Variants in ATP6V1H observed in about 807,000 individuals in gnomAD.
ATP6V1H encodes ATPase H+ transporting V1 subunit H, also known as V-type proton ATPase subunit H.
ATP6V1H carries 39 observed loss-of-function variants against 71.7 expected under a neutral mutation model. The observed-to-expected ratio is 0.54, with a 90% CI of 0.42 to 0.71. The LOEUF (loss-of-function observed/expected upper bound fraction) is 0.71. Among genes scored for constraint, ATP6V1H ranks in the 30% least tolerant of loss-of-function variants. The pLI is 0.00. For missense variants in ATP6V1H, 509 were observed against 594.9 expected, an observed-to-expected ratio of 0.86 and a Z score of 1.50; for synonymous variants, 192 against 199.3, an observed-to-expected ratio of 0.96 and a Z score of 0.31.
chr8:53,833,120 A>G (rs773864543), intron 2 of ATP6V1H, 34 bp from the exon 3 acceptor site: 7 of 1,540,378 alleles, frequency 4.5e-6, no homozygotes, highest in Non-Finnish European at 5.4e-6. Flanking sequence ...TTGTTCAGTA[A>G]GAGTTGAATA....
Position 53,795,788 on chromosome 8 carries a change from C to A in ATP6V1H, c.729G>T (p.Met243Ile), listed in dbSNP as rs2130415586. 2 of 1,613,908 alleles carry A rather than the reference C, an allele frequency of 1.2e-6. No homozygotes were observed. The highest frequency in any genetic ancestry group is 1.7e-6 in the Non-Finnish European group (2 of 1,179,954). The change falls in exon 9 of 14, where the codon ATG becomes ATT. Residue 243 changes from methionine (M) to isoleucine (I), a missense_variant. By Grantham distance (10) the Met-to-Ile change is conservative (BLOSUM62 1). Transcript: ENST00000359530. The stretch of plus-strand genomic sequence containing the variant: ...ATGCCAGGAGCCATATTGAAAAAAT[C>A]ATTTGATACTGGAGCTGAAAGCCAC... Reference protein sequence around the residue: ...NKCGFQLQYQMIFSIWLLAFS... With the variant: ...NKCGFQLQYQIIFSIWLLAFS...
intron 8 of ATP6V1H, among the ~76,000 whole-genome samples, chr8:53,799,740 A>T (rs1809850356): frequency 1.3e-5 from 2 of 152,180 alleles, no homozygotes; most frequent in African/African-American, 2.4e-5. Flanking sequence ...TGATTAGGTC[A>T]TGAGGGCAGA....
intron 9 of ATP6V1H, among the ~76,000 whole-genome samples, chr8:53,772,903 C>CAAAAAAAAA (rs201949406): frequency 3.2e-4 from 19 of 59,324 alleles, no homozygotes; most frequent in African/African-American, 6.3e-4. Flanking sequence ...CTATCAAATG[C>CAAAAAAAAA]AAAAAAAAAA....
chr8:53,762,641 T>C (rs113414008), intron 11 of ATP6V1H, among the ~76,000 whole-genome samples: 2 of 152,084 alleles, frequency 1.3e-5, no homozygotes, highest in East Asian at 1.9e-4. Context: ...GATGATGGAA[T>C]AGAACAAAGA....
intron 13 of ATP6V1H, 70 bp downstream of exon 13, chr8:53,743,496 GCATTTGCATAA>G: frequency 1.1e-6 from 1 of 947,422 alleles, no homozygotes; most frequent in Non-Finnish European, 1.7e-6. Context: ...ATCATTCAAA[GCATTTGCATAA>G]GAACTTTTAG....
rs551907102 is a variant in ATP6V1H at position 53,720,678 on chromosome 8, A to G, written c.1392-4654T>C. Reference sequence around the variant, plus strand: ...GTGTTTCAACATGCTAACTTTACCTATATAACTTGACACATGGTAACTTCA... The same window carrying G: ...GTGTTTCAACATGCTAACTTTACCTGTATAACTTGACACATGGTAACTTCA... On this transcript the variant is annotated intron_variant, in intron 13 of 13. Coordinates refer to ENST00000359530, the MANE Select transcript of ATP6V1H (RefSeq NM_015941.4). Among the ~76,000 whole-genome samples, 5 of 152,368 alleles carry G rather than the reference A, an allele frequency of 3.3e-5. No individual in the cohort carries two copies. In the South Asian group the frequency reaches 8.3e-4, roughly 25 times the overall value.
At position 53,759,787 on chromosome 8, in the gene ATP6V1H, T is replaced by C. The variant is rs146775248; in HGVS notation, c.1176-3131A>G. Among the ~76,000 whole-genome samples, 609 of 152,340 alleles carry C rather than the reference T, an allele frequency of 4.0e-3. 4 individuals are homozygous for C. The highest frequency in any genetic ancestry group is 0.017 in the Middle Eastern group (5 of 294). ...TTTTCTTACTCAAAATATATATTTATTTCAAAACTACTAACATACAAGCTA... is the reference window on the plus strand; with the variant it reads ...TTTTCTTACTCAAAATATATATTTACTTCAAAACTACTAACATACAAGCTA... On this transcript the variant is annotated intron_variant, in intron 11 of 13. Coordinates refer to ENST00000359530, the MANE Select transcript of ATP6V1H (RefSeq NM_015941.4).
chr8:53,716,191 G>A (rs1806418762), intron 13 of ATP6V1H, among the ~76,000 whole-genome samples, 167 bp from the exon 14 acceptor site: 1 of 152,202 alleles, frequency 6.6e-6, no homozygotes, highest in Non-Finnish European at 1.5e-5. Flanking sequence ...TACTTGTGCT[G>A]TATGAATTCT....
At chr8:53,764,625 G>T (rs566116723) in intron 11 of ATP6V1H, among the ~76,000 whole-genome samples, 2 of 151,960 alleles carry the variant, frequency 1.3e-5, no homozygotes, top group Non-Finnish European at 2.9e-5. Flanking sequence ...CAGAAGCAAC[G>T]CAAGGATGTA....
At chr8:53,816,733 T>C (rs1585819894) in intron 5 of ATP6V1H, among the ~76,000 whole-genome samples, 2 of 151,524 alleles carry the variant, frequency 1.3e-5, no homozygotes, top group African/African-American at 4.9e-5. Flanking sequence ...GAGGCGGAGG[T>C]TGCAGCAAGC....
chr8:53,775,736 T>C lies in ATP6V1H; in HGVS notation c.871-3569A>G, dbSNP rs557266486. On this transcript the variant is annotated intron_variant, in intron 9 of 13. Transcript: ENST00000359530. Reference sequence around the variant, plus strand: ...GTGTCGATTGGTGCACTCACAAACCTTGAGCTAGACACAGGGTGCTGATTG... The same window carrying C: ...GTGTCGATTGGTGCACTCACAAACCCTGAGCTAGACACAGGGTGCTGATTG... Among the ~76,000 whole-genome samples the C allele has an allele frequency of 1.9e-3, 285 of 151,892 alleles. 2 individuals carry two copies. The highest frequency in any genetic ancestry group is 6.7e-3 in the African/African-American group (277 of 41,364).
rs1808606376 is a variant in ATP6V1H at position 53,770,191 on chromosome 8, T to C, written c.1050-448A>G. Among the ~76,000 whole-genome samples the C allele has an allele frequency of 2.6e-5, 4 of 152,120 alleles. No homozygotes were observed. The South Asian group carries it at 8.3e-4, about 32-fold the overall frequency. ...CTATAAATATCATAAACTGTAATAA[T>C]ACATCACAAAAACAAAATCACACTT... On this transcript the variant is annotated intron_variant, in intron 10 of 13. Transcript: ENST00000359530.
chr8:53,740,241 T>G (rs1807364880), intron 13 of ATP6V1H, among the ~76,000 whole-genome samples: 1 of 152,238 alleles, frequency 6.6e-6, no homozygotes, highest in Non-Finnish European at 1.5e-5. Flanking sequence ...AAATTACACT[T>G]AAAATGTAAT....
intron 4 of ATP6V1H, among the ~76,000 whole-genome samples, chr8:53,818,478 A>T (rs899197549): frequency 1.3e-5 from 2 of 152,202 alleles, no homozygotes; most frequent in Non-Finnish European, 2.9e-5. Context: ...TTACCCATCA[A>T]GGAATAGCCT....
chr8:53,741,775 G>T (rs1238302997), intron 13 of ATP6V1H, among the ~76,000 whole-genome samples: 1 of 152,096 alleles, frequency 6.6e-6, no homozygotes, highest in Admixed American at 6.6e-5. Flanking sequence ...CATTCTTCTT[G>T]CACTGAAGTT....
chr8:53,755,732 ATATATATATATATTTTTTTTTTTTTTTT>A (rs1808022498), intron 12 of ATP6V1H, among the ~76,000 whole-genome samples: 1 of 5,164 alleles, frequency 1.9e-4, no homozygotes, highest in Non-Finnish European at 2.9e-4. Flanking sequence ...ATATATATAT[ATATATATATATATTTTTTTTTTTTTTTT>A]TTTTTTTTTT....
intron 7 of ATP6V1H, among the ~76,000 whole-genome samples, chr8:53,802,664 G>A (rs1429736232): frequency 6.6e-6 from 1 of 152,096 alleles, no homozygotes; most frequent in Non-Finnish European, 1.5e-5. Flanking sequence ...AGGTTGCAGT[G>A]AGCCAAGATC....
chr8:53,718,298 G>A (rs1806494204), intron 13 of ATP6V1H, among the ~76,000 whole-genome samples: 1 of 152,024 alleles, frequency 6.6e-6, no homozygotes, highest in South Asian at 2.1e-4. Context: ...GACACATGCA[G>A]CCACAGCTTC....
rs553856243 is a variant in ATP6V1H, at chr8:53,732,814, C to T, written c.1391+10763G>A. ...CCCTCCATATGTCCCAGCCTACCCC[C>T]GCTTTACAGAGGCCAGCAGCCCCCC... On this transcript the variant is annotated intron_variant, in intron 13 of 13. Coordinates refer to ENST00000359530, the MANE Select transcript of ATP6V1H (RefSeq NM_015941.4). 2.3e-3 allele frequency among the ~76,000 whole-genome samples: 349 copies of T among 152,230 alleles called. 2 individuals are homozygous for T. The highest frequency in any genetic ancestry group is 8.1e-3 in the African/African-American group (336 of 41,520).
Sources: gnomAD v4.1 joint callset for allele counts (sites outside exome capture counted in the v4.1 genomes callset) on GRCh38, gnomAD v4.1.1 for gene constraint, MANE v1.5 for transcripts, NCBI Gene and HGNC (gene_info 2026-07-23, HGNC 2026-07-21) for gene names.